The following CCSER1 variants were observed in gnomAD, a reference collection of about 807,000 sequenced individuals.
The protein encoded by CCSER1 is serine-rich coiled-coil domain-containing protein 1.
Under a neutral mutation model 82.0 loss-of-function variants are expected in CCSER1, and 41 were observed. The ratio of observed to expected loss-of-function variants is 0.50; its 90% CI spans 0.39 to 0.65. The LOEUF is 0.65. Among genes scored for constraint, CCSER1 ranks in the 30% least tolerant of loss-of-function variants. CCSER1 has a pLI of 0.00. For synonymous variants in CCSER1, 414 were observed against 383.9 expected, an observed-to-expected ratio of 1.08 and a Z score of -0.92; for missense variants, 1,119 against 1,064.2, an observed-to-expected ratio of 1.05 and a Z score of -0.72.
At chr4:90,371,508 A>T (rs1415160245) in intron 3 of CCSER1, among the ~76,000 whole-genome samples, 1 of 151,826 alleles carries the variant, frequency 6.6e-6, no homozygotes, top group Non-Finnish European at 1.5e-5. Flanking sequence ...ATGAAAATAA[A>T]TAATAACCAA....
At chr4:90,166,248 T>C (rs1463574944) in intron 1 of CCSER1, among the ~76,000 whole-genome samples, 2 of 151,992 alleles carry the variant, frequency 1.3e-5, no homozygotes, top group Admixed American at 1.3e-4. Context: ...TGTGCTTGGC[T>C]AAGCTCTATG....
intron 1 of CCSER1, among the ~76,000 whole-genome samples, chr4:90,211,974 G>A (rs1740096084): frequency 6.6e-6 from 1 of 152,176 alleles, no homozygotes; most frequent in Non-Finnish European, 1.5e-5. Flanking sequence ...TCAAGTTCAA[G>A]TGCAGACAAC....
intron 10 of CCSER1, among the ~76,000 whole-genome samples, chr4:91,098,418 CACAA>C (rs1230405645): frequency 4.6e-5 from 7 of 152,174 alleles, no homozygotes; most frequent in Admixed American, 1.3e-4. Flanking sequence ...AAATAAAAAT[CACAA>C]ACAATTTCTC....
At chr4:90,303,770 A>G (rs371393687) in intron 1 of CCSER1, among the ~76,000 whole-genome samples, 7 of 152,222 alleles carry the variant, frequency 4.6e-5, no homozygotes, top group Non-Finnish European at 8.8e-5. Context: ...AACACCAAAA[A>G]CAATGGCAAC....
At chr4:91,455,514 A>C (rs528443866) in intron 10 of CCSER1, among the ~76,000 whole-genome samples, 1 of 151,994 alleles carries the variant, frequency 6.6e-6, no homozygotes, top group African/African-American at 2.4e-5. Context: ...CATCTAGGAA[A>C]CAGACAGCAA....
At chr4:91,093,126 T>C (rs1459087652) in intron 10 of CCSER1, among the ~76,000 whole-genome samples, 1 of 152,204 alleles carries the variant, frequency 6.6e-6, no homozygotes, top group Non-Finnish European at 1.5e-5. Flanking sequence ...GTTAAAGCAA[T>C]GAGTTCTTCC....
At chr4:90,161,816 A>T (rs1436924824) in intron 1 of CCSER1, among the ~76,000 whole-genome samples, 1 of 152,166 alleles carries the variant, frequency 6.6e-6, no homozygotes, top group Non-Finnish European at 1.5e-5. Flanking sequence ...CAGTTTAGAA[A>T]GTGCAATTAT....
intron 8 of CCSER1, among the ~76,000 whole-genome samples, chr4:90,861,905 C>CATATATATATAT (rs1433929339): frequency 3.2e-4 from 44 of 139,394 alleles, no homozygotes; most frequent in African/African-American, 1.1e-3. Flanking sequence ...TATGATGACT[C>CATATATATATAT]ATATATATAT....
chr4:91,147,668 G>T (rs1166433073), intron 10 of CCSER1, among the ~76,000 whole-genome samples: 1 of 152,146 alleles, frequency 6.6e-6, no homozygotes, highest in Non-Finnish European at 1.5e-5. Flanking sequence ...AGCTGTGCTG[G>T]GAGTGATGGG....
intron 9 of CCSER1, among the ~76,000 whole-genome samples, chr4:90,941,334 T>C (rs73834589): frequency 0.047 from 7,083 of 152,174 alleles, 539 homozygotes; most frequent in African/African-American, 0.16. Flanking sequence ...TAGCTATGTT[T>C]TAAATGATTT....
At chr4:91,572,376 T>A (rs1004951230) in intron 10 of CCSER1, among the ~76,000 whole-genome samples, 2 of 151,908 alleles carry the variant, frequency 1.3e-5, no homozygotes, top group Admixed American at 6.6e-5. Flanking sequence ...CCCTGGTTGG[T>A]AGGTCCAGCC....
At chr4:90,618,565 T>G (rs1201517329) in intron 5 of CCSER1, among the ~76,000 whole-genome samples, 1 of 151,984 alleles carries the variant, frequency 6.6e-6, no homozygotes, top group Non-Finnish European at 1.5e-5. Flanking sequence ...TGAAATAGGC[T>G]CGATTTTATT....
In CCSER1 at chr4:90,993,622, TAAGATA is replaced by T. The variant is rs1205113628; in HGVS notation, c.2172+70177_2172+70182del. Among the ~76,000 whole-genome samples, 312 of 152,186 alleles carry T rather than the reference TAAGATA, an allele frequency of 2.1e-3. 2 individuals carry two copies. The highest frequency in any genetic ancestry group is 7.2e-3 in the African/African-American group (301 of 41,552). ...TCATGGTTCTGGAGGCTAGGAAGTC[TAAGATA>T]AGGTATCAGCAAATTTGGTTCCTGA... On this transcript the variant is annotated intron_variant, in intron 9 of 10. Transcript: ENST00000509176.
At chr4:91,527,874 T>C (rs919445953) in intron 10 of CCSER1, among the ~76,000 whole-genome samples, 1 of 152,170 alleles carries the variant, frequency 6.6e-6, no homozygotes, top group Non-Finnish European at 1.5e-5. Flanking sequence ...CTTGCTTCCA[T>C]AGTACAGAAG....
intron 10 of CCSER1, among the ~76,000 whole-genome samples, chr4:91,500,719 T>A (rs1759164423): frequency 6.6e-6 from 1 of 152,058 alleles, no homozygotes; most frequent in Non-Finnish European, 1.5e-5. Flanking sequence ...GCTTAGATTT[T>A]CCACATGAAA....
chr4:90,733,438 C>G (rs973342744), intron 7 of CCSER1, among the ~76,000 whole-genome samples: 3 of 152,060 alleles, frequency 2.0e-5, no homozygotes, highest in African/African-American at 7.2e-5. Flanking sequence ...ATGTTAATCC[C>G]TTGTTCAGTG....
In CCSER1 at chr4:90,276,237, T is replaced by C. The variant is rs1419597589; in HGVS notation, c.-41-32007T>C. Among the ~76,000 whole-genome samples, 4 of 111,350 alleles carry C rather than the reference T, an allele frequency of 3.6e-5. No homozygotes were observed. The East Asian group carries it at 7.8e-4, about 22-fold the overall frequency. 73.0% of individuals were successfully genotyped at this position (111,350 alleles called of 152,430 possible). A position where few individuals can be genotyped will look rare whatever the true frequency, so the allele number is the denominator to read the frequency against. On this transcript the variant is annotated intron_variant, in intron 1 of 10. Transcript: ENST00000509176. ...TTCTTTCTTTCTTTCTTTCTTTCTT[T>C]CTTTCTTTCTTTCTTTCCTTCCTTC...
At chr4:90,268,913 A>G (rs1725741849) in intron 1 of CCSER1, among the ~76,000 whole-genome samples, 2 of 152,196 alleles carry the variant, frequency 1.3e-5, no homozygotes, top group South Asian at 4.1e-4. Flanking sequence ...ACATCAGACA[A>G]AATAGATTTC....
chr4:91,540,809 G>A lies in CCSER1; in HGVS notation c.2218-57763G>A, dbSNP rs181917282. On this transcript the variant is annotated intron_variant, in intron 10 of 10. Transcript: ENST00000509176. ...ACCATTCCTTGAAAAGTCTATTTTT[G>A]GTTCACTGTATTGCCTTTGCTTCTT... 1.4e-3 allele frequency among the ~76,000 whole-genome samples: 214 copies of A among 152,072 alleles called. 1 individual carries two copies. The highest frequency in any genetic ancestry group is 4.9e-3 in the African/African-American group (202 of 41,508).
Sources: gnomAD v4.1 joint callset for allele counts (sites outside exome capture counted in the v4.1 genomes callset) on GRCh38, gnomAD v4.1.1 for gene constraint, MANE v1.5 for transcripts, NCBI Gene and HGNC (gene_info 2026-07-23, HGNC 2026-07-21) for gene names.